Variants in CNOT6 observed in about 807,000 individuals in gnomAD.
CNOT6 encodes CCR4-NOT transcription complex subunit 6.
A neutral mutation model predicts 61.2 loss-of-function variants in CNOT6; 12 were observed. That is an observed-to-expected ratio of 0.20 (90% CI 0.13 to 0.32). The LOEUF (loss-of-function observed/expected upper bound fraction) is 0.32, where lower values mean the gene tolerates loss of function less well. CNOT6 is among the 10% of genes least tolerant of loss of function. The pLI, the probability that CNOT6 is intolerant of heterozygous loss-of-function variation, is 1.00. For missense variants in CNOT6, 405 were observed against 663.9 expected (o/e 0.61, Z 4.28); for synonymous variants, 225 against 240.6 (o/e 0.94, Z 0.60).
chr5:180,499,755 A>G (rs906927994), intron 1 of CNOT6, among the ~76,000 whole-genome samples: 129 of 152,328 alleles, frequency 8.5e-4, no homozygotes, highest in Non-Finnish European at 1.4e-3. Flanking sequence ...ATTTTCTTTG[A>G]AAAAGCCCTG....
At chr5:180,499,549 G>A (rs1756771645) in intron 1 of CNOT6, among the ~76,000 whole-genome samples, 1 of 152,216 alleles carries the variant, frequency 6.6e-6, no homozygotes, top group South Asian at 2.1e-4. Flanking sequence ...CAGTTCTGCT[G>A]TAAAGCAACA....
intron 1 of CNOT6, among the ~76,000 whole-genome samples, chr5:180,503,200 G>T (rs914900826): frequency 6.6e-6 from 1 of 151,442 alleles, no homozygotes; most frequent in African/African-American, 2.4e-5. Context: ...CATTAAAGAT[G>T]ATTGTAAACC....
chr5:180,525,791 T>C (rs1758072886), intron 1 of CNOT6, among the ~76,000 whole-genome samples: 1 of 152,044 alleles, frequency 6.6e-6, no homozygotes. Flanking sequence ...AGAAAACCGA[T>C]ATCCTGGAAG....
rs1331483276 is a variant in CNOT6 at position 180,519,554 on chromosome 5, T to C, written c.-2-9721T>C. 3.3e-5 allele frequency among the ~76,000 whole-genome samples: 5 copies of C among 152,336 alleles called. No individual in the cohort carries two copies. In the South Asian group the frequency reaches 1.0e-3, roughly 32 times the overall value. Reference sequence around the variant, plus strand: ...CAGGTAAAATTTACATAAAATGCAATGTACATGTACACCTTAAATGTATAA... The same window carrying C: ...CAGGTAAAATTTACATAAAATGCAACGTACATGTACACCTTAAATGTATAA... On this transcript the variant is annotated intron_variant, in intron 1 of 11. Coordinates refer to ENST00000261951, the MANE Select transcript of CNOT6 (RefSeq NM_001370472.1).
At chr5:180,567,380 G>T (rs1760518333) in intron 8 of CNOT6, 138 bp downstream of exon 8, 5 of 759,792 alleles carry the variant, frequency 6.6e-6, no homozygotes, top group Non-Finnish European at 2.0e-6. Flanking sequence ...TTGACCTAGG[G>T]GGTTTTTGTT....
At position 180,541,867 on chromosome 5, in the gene CNOT6, G is replaced by A. The variant is rs1759066614; in HGVS notation, c.113-8064G>A. Among the ~76,000 whole-genome samples the A allele has an allele frequency of 2.7e-5, 4 of 147,616 alleles. No individual in the cohort carries two copies. The South Asian group carries it at 8.7e-4, about 32-fold the overall frequency. On this transcript the variant is annotated intron_variant, in intron 2 of 11. Transcript: ENST00000261951. ...CCAGAGAAATTTTTTTAGCAGACGGGGTCTCGCTCTGTTGCCCAGGCTACA... is the reference window on the plus strand; with the variant it reads ...CCAGAGAAATTTTTTTAGCAGACGGAGTCTCGCTCTGTTGCCCAGGCTACA...
chr5:180,568,010 G>A lies in CNOT6; in HGVS notation c.1027+7G>A. 1.9e-6 allele frequency: 3 copies of A among 1,597,862 alleles called. No individual in the cohort carries two copies. The highest frequency in any genetic ancestry group is 2.6e-6 in the Non-Finnish European group (3 of 1,169,602). ...GAATCGATTGAAATGCCGTGTGAGT[G>A]CCCTTCACTTCCTGTAAAATTGACC... On this transcript the variant is annotated splice_region_variant and intron_variant, in intron 9 of 11. Transcript: ENST00000261951.
intron 2 of CNOT6, among the ~76,000 whole-genome samples, chr5:180,536,157 G>A (rs1317981474): frequency 3.7e-5 from 3 of 82,010 alleles, no homozygotes; most frequent in Non-Finnish European, 5.2e-5. Context: ...CACCACACCC[G>A]GCTAATTTTT....
chr5:180,504,852 A>G (rs911729254), intron 1 of CNOT6, among the ~76,000 whole-genome samples: 48 of 152,156 alleles, frequency 3.2e-4, no homozygotes, highest in African/African-American at 1.1e-3. Flanking sequence ...TATTACTGTT[A>G]AAGAGTTCAT....
intron 2 of CNOT6, among the ~76,000 whole-genome samples, chr5:180,544,101 G>A (rs1394078457): frequency 5.3e-5 from 8 of 152,168 alleles, no homozygotes; most frequent in Non-Finnish European, 7.3e-5. Context: ...GTGAGCCACC[G>A]CTCCTGGCCA....
At chr5:180,549,656 AAAAG>A (rs1365299310) in intron 2 of CNOT6, among the ~76,000 whole-genome samples, 2 of 152,178 alleles carry the variant, frequency 1.3e-5, no homozygotes, top group Non-Finnish European at 2.9e-5. Flanking sequence ...TTCAAAAAAA[AAAAG>A]GATAAATTAT....
chr5:180,517,221 C>G (rs892865466), intron 1 of CNOT6, among the ~76,000 whole-genome samples: 21 of 152,172 alleles, frequency 1.4e-4, no homozygotes, highest in African/African-American at 5.1e-4. Context: ...CACTGTAGCC[C>G]CGACTTTCCT....
At chr5:180,547,145 G>A (rs1759353952) in intron 2 of CNOT6, among the ~76,000 whole-genome samples, 1 of 152,164 alleles carries the variant, frequency 6.6e-6, no homozygotes, top group Non-Finnish European at 1.5e-5. Context: ...AGCTTTGTCA[G>A]AAGTTAATTT....
At chr5:180,524,679 A>G (rs148396338) in intron 1 of CNOT6, among the ~76,000 whole-genome samples, 1 of 152,316 alleles carries the variant, frequency 6.6e-6, no homozygotes, top group Non-Finnish European at 1.5e-5. Flanking sequence ...TTAGTCCAGT[A>G]ACACTTCCTG....
At chr5:180,509,105 C>T (rs1428507937) in intron 1 of CNOT6, among the ~76,000 whole-genome samples, 1 of 152,070 alleles carries the variant, frequency 6.6e-6, no homozygotes, top group East Asian at 1.9e-4. Flanking sequence ...CAGGTGTGAG[C>T]CACAGCGCCC....
intron 1 of CNOT6, among the ~76,000 whole-genome samples, chr5:180,523,714 A>G (rs1019287284): frequency 6.6e-6 from 1 of 152,040 alleles, no homozygotes; most frequent in African/African-American, 2.4e-5. Context: ...TGTGATTCCT[A>G]TCCCCAGCTC....
In CNOT6 at chr5:180,576,327, T is replaced by C. The variant is rs1349210257; in HGVS notation, c.*2127T>C. 6.6e-6 allele frequency: 1 copy of C among 152,640 alleles called. No homozygotes were observed. Among genetic ancestry groups the C allele is most frequent in the African/African-American group, 2.4e-5 (1 of 41,460 alleles). 9.5% of individuals were successfully genotyped at this position (152,640 alleles called of 1,614,324 possible). A position where few individuals can be genotyped will look rare whatever the true frequency, so the allele number is the denominator to read the frequency against. On this transcript the variant is annotated 3_prime_UTR_variant, in exon 12 of 12. Transcript: ENST00000261951. ...GTAATCACAGGTCCAGAGAGCTTTA[T>C]GGAAGCGGGAGAGGAGGAGCACTTA... is the stretch of plus-strand genomic sequence containing the variant.
At chr5:180,521,344 C>T (rs1308598927) in intron 1 of CNOT6, among the ~76,000 whole-genome samples, 3 of 152,148 alleles carry the variant, frequency 2.0e-5, no homozygotes, top group Non-Finnish European at 4.4e-5. Context: ...GCAAAAGCTA[C>T]AGCTGCCTAG....
At chr5:180,496,781 T>A (rs942065181) in intron 1 of CNOT6, among the ~76,000 whole-genome samples, 3 of 152,232 alleles carry the variant, frequency 2.0e-5, no homozygotes, top group African/African-American at 7.2e-5. Flanking sequence ...GAAGATTTTC[T>A]CTGAAAGTCA....
Sources: allele counts gnomAD v4.1 joint callset (sites outside exome capture counted in the v4.1 genomes callset), GRCh38; gene constraint gnomAD v4.1.1; transcripts MANE v1.5; gene names NCBI Gene and HGNC (gene_info 2026-07-23, HGNC 2026-07-21).